The following H2BC4 variants were observed in gnomAD, a reference collection of about 807,000 sequenced individuals.
H2BC4 encodes the protein H2B clustered histone 4.
H2BC4 carries 10 observed loss-of-function variants against 6.2 expected under a neutral mutation model. The ratio of observed to expected loss-of-function variants is 1.61; its 90% CI spans 0.99 to 2.73. The LOEUF is 2.73. Among genes scored for constraint, H2BC4 ranks in the 30% most tolerant of loss-of-function variants. The pLI is 0.00. For synonymous variants in H2BC4, 146 were observed against 70.7 expected (o/e 2.07, Z -5.35); for missense variants, 176 against 168.7 (o/e 1.04, Z -0.24).
intron 1 of H2BC4, among the ~76,000 whole-genome samples, chr6:26,117,011 T>C (rs1408729198): frequency 1.3e-5 from 2 of 152,194 alleles, no homozygotes; most frequent in Non-Finnish European, 2.9e-5. Context: ...GTGCTGAATA[T>C]ATATATCCTT....
At chr6:26,123,116 A>T (rs1025752001), downstream of H2BC4, among the ~76,000 whole-genome samples, 1 of 152,220 alleles carries the variant, frequency 6.6e-6, no homozygotes, top group Non-Finnish European at 1.5e-5. Context: ...ATTTAAAATG[A>T]CAGGACAGCC....
chr6:26,114,848 T>C (rs1412101651), downstream of H2BC4: 1 of 151,916 alleles, frequency 6.6e-6, no homozygotes, highest in Non-Finnish European at 1.5e-5. Context: ...TATGAGTATA[T>C]ATAATATACA....
At chr6:26,123,099 G>A (rs2113798774), downstream of H2BC4, among the ~76,000 whole-genome samples, 1 of 152,260 alleles carries the variant, frequency 6.6e-6, no homozygotes. Context: ...TCCCTCGATT[G>A]GTTAATATTT....
rs1161183200 is a variant in H2BC4 at position 26,117,970 on chromosome 6, C to G, written c.*10-2835G>C. 3.3e-5 allele frequency among the ~76,000 whole-genome samples: 5 copies of G among 152,294 alleles called. No individual in the cohort carries two copies. In the East Asian group the frequency reaches 9.6e-4, roughly 29 times the overall value. ...AACACTTAAGATTGGCTGTGCAGCA[C>G]TATGGCTATCTCTGTGTAGTATTTT... On this transcript the variant is annotated intron_variant, in intron 1 of 1. Transcript: ENST00000314332.
chr6:26,113,827 T>C (rs868386015), downstream of H2BC4, among the ~76,000 whole-genome samples: 5 of 152,092 alleles, frequency 3.3e-5, no homozygotes, highest in Middle Eastern at 0.01. Context: ...TCACATAGCC[T>C]TTCCTCAGTA....
In H2BC4 at chr6:26,118,080, G is replaced by A. The variant is rs199601065; in HGVS notation, c.*10-2945C>T. 2.4e-4 allele frequency among the ~76,000 whole-genome samples: 36 copies of A among 152,156 alleles called. No individual in the cohort carries two copies. The East Asian group carries it at 6.4e-3, about 27-fold the overall frequency. ...GAGTTTTTCAACTCCTCCATTTTTG[G>A]TAAAAATATCTCATAAAGGAGCAAG... On this transcript the variant is annotated intron_variant, in intron 1 of 1. Coordinates refer to the H2BC4 transcript ENST00000314332.
In H2BC4 at chr6:26,123,908, A is replaced by C. The variant is rs1228018952; in HGVS notation, c.-4T>G. On this transcript the variant is annotated 5_prime_UTR_variant, in exon 1 of 1. Transcript: ENST00000396984. ...CAGACTTGGCTGGCTCAGGCATCTT[A>C]AAACACCAGAAATGTGTCGAAAGTA... The C allele has an allele frequency of 1.6e-5, 25 of 1,611,850 alleles. No homozygotes were observed. The highest frequency in any genetic ancestry group is 2.1e-5 in the Non-Finnish European group (25 of 1,179,524).
downstream of H2BC4, among the ~76,000 whole-genome samples, chr6:26,119,984 T>C (rs1243949107): frequency 6.6e-6 from 1 of 152,110 alleles, no homozygotes; most frequent in African/African-American, 2.4e-5. Context: ...TTCTCTTAAT[T>C]AGAACTTAAA....
At chr6:26,115,963 T>C (rs1468949625) in intron 1 of H2BC4, among the ~76,000 whole-genome samples, 2 of 151,632 alleles carry the variant, frequency 1.3e-5, no homozygotes, top group Non-Finnish European at 2.9e-5. Context: ...CAAATAATAG[T>C]AGACAAAAAA....
At chr6:26,122,620 T>TA (rs1228688519), downstream of H2BC4, among the ~76,000 whole-genome samples, 5 of 152,196 alleles carry the variant, frequency 3.3e-5, no homozygotes, top group Non-Finnish European at 7.3e-5. Context: ...GCCTAGTCCT[T>TA]ACTGGCCTTC....
chr6:26,123,039 C>A (rs185079171), downstream of H2BC4, among the ~76,000 whole-genome samples: 1 of 152,114 alleles, frequency 6.6e-6, no homozygotes, highest in East Asian at 1.9e-4. Context: ...CAGTTACTGC[C>A]CAGGTTCCCA....
chr6:26,123,142 G>A (rs1229346313), downstream of H2BC4, among the ~76,000 whole-genome samples: 2 of 152,174 alleles, frequency 1.3e-5, no homozygotes, highest in Non-Finnish European at 2.9e-5. Flanking sequence ...GCTAGAAGCT[G>A]GTGGCGAAAT....
In H2BC4 at chr6:26,123,545, G is replaced by T; in HGVS notation, c.360C>A (p.Thr120=). The stretch of plus-strand genomic sequence containing the variant: ...ATGTTTACTTGGAGCTGGTGTACTT[G>T]GTGACGGCCTTGGTGCCCTCCGACA... ...HAVSEGTKAV[T]KYTSSK The change falls in exon 1 of 1, where the codon ACC becomes ACA. Residue 120 remains threonine, a synonymous_variant. Transcript: ENST00000396984. The T allele has an allele frequency of 6.2e-7, 1 of 1,614,268 alleles. No homozygotes were observed. Among genetic ancestry groups the T allele is most frequent in the Non-Finnish European group, 8.5e-7 (1 of 1,180,050 alleles).
At chr6:26,120,365 C>G (rs946802291), downstream of H2BC4, among the ~76,000 whole-genome samples, 11 of 151,978 alleles carry the variant, frequency 7.2e-5, no homozygotes, top group South Asian at 2.1e-4. Flanking sequence ...AGGAAAATTG[C>G]TAGAACCCTG....
At chr6:26,115,599 G>A (rs952978853) in intron 1 of H2BC4, among the ~76,000 whole-genome samples, 4 of 152,132 alleles carry the variant, frequency 2.6e-5, no homozygotes, top group Non-Finnish European at 2.9e-5. Context: ...AGGCCAGGCC[G>A]TGGGGACTGT....
Position 26,123,518 on chromosome 6 carries a change from G to A in H2BC4, c.*6C>T, listed in dbSNP as rs942786595. The stretch of plus-strand genomic sequence containing the variant: ...GGTTAGGTGTTAAGACGCTTACTTG[G>A]AATGTTTACTTGGAGCTGGTGTACT... On this transcript the variant is annotated 3_prime_UTR_variant, in exon 1 of 1. Transcript: ENST00000396984. 6.2e-7 allele frequency: 1 copy of A among 1,614,204 alleles called. No homozygotes were observed. The highest frequency in any genetic ancestry group is 8.5e-7 in the Non-Finnish European group (1 of 1,180,030).
downstream of H2BC4, among the ~76,000 whole-genome samples, chr6:26,121,501 G>A (rs560867413): frequency 6.6e-6 from 1 of 152,204 alleles, no homozygotes; most frequent in Non-Finnish European, 1.5e-5. Flanking sequence ...TGTCTTGGTG[G>A]AAAATTCAGA....
downstream of H2BC4, among the ~76,000 whole-genome samples, chr6:26,119,647 G>C (rs758347597): frequency 2.0e-5 from 3 of 151,924 alleles, no homozygotes; most frequent in Non-Finnish European, 2.9e-5. Flanking sequence ...AGTACAACTA[G>C]TGGAAGAAAT....
At chr6:26,122,848 G>A (rs1321903186), downstream of H2BC4, among the ~76,000 whole-genome samples, 1 of 152,220 alleles carries the variant, frequency 6.6e-6, no homozygotes, top group Admixed American at 6.5e-5. Context: ...TAAGATGTAT[G>A]AAGCAACATC....
Sources: gnomAD v4.1 joint callset for allele counts (sites outside exome capture counted in the v4.1 genomes callset) on GRCh38, gnomAD v4.1.1 for gene constraint, MANE v1.5 for transcripts, NCBI Gene and HGNC (gene_info 2026-07-23, HGNC 2026-07-21) for gene names.